The following TRHDE variants were observed in gnomAD, a reference collection of about 807,000 sequenced individuals.
TRHDE encodes the protein thyrotropin-releasing hormone-degrading ectoenzyme.
In TRHDE, 72 loss-of-function variants were observed where a neutral mutation model predicts 125.7. The observed-to-expected ratio is 0.57, with a 90% CI of 0.47 to 0.70. The LOEUF (loss-of-function observed/expected upper bound fraction) is 0.70. Ranked by LOEUF, TRHDE falls within the 30% of genes least tolerant of loss-of-function variation. The pLI is 0.00. For missense variants in TRHDE, 1,110 were observed against 1,327.1 expected, an observed-to-expected ratio of 0.84 and a Z score of 2.54; for synonymous variants, 509 against 509.1, an observed-to-expected ratio of 1.00 and a Z score of 0.00.
At chr12:72,604,162 T>C (rs1243803169) in intron 12 of TRHDE, among the ~76,000 whole-genome samples, 2 of 152,224 alleles carry the variant, frequency 1.3e-5, no homozygotes, top group Non-Finnish European at 2.9e-5. Context: ...GTATAAAGTG[T>C]AAGTGTGCTT....
chr12:72,452,154 A>G lies in TRHDE; in HGVS notation c.1316-17604A>G, dbSNP rs118084191. ...CAGGGTTTTATAGTTTTCATCATAC[A>G]GGTATTCTGCCTTATTGGTTATATT... On this transcript the variant is annotated intron_variant, in intron 3 of 18. Transcript: ENST00000261180. 3.9e-4 allele frequency among the ~76,000 whole-genome samples: 59 copies of G among 151,086 alleles called. No individual in the cohort carries two copies. The East Asian group carries it at 9.5e-3, about 24-fold the overall frequency.
At chr12:72,539,194 A>G (rs570783034) in intron 6 of TRHDE, among the ~76,000 whole-genome samples, 2 of 152,064 alleles carry the variant, frequency 1.3e-5, no homozygotes, top group East Asian at 3.9e-4. Flanking sequence ...TGAAAACAGT[A>G]GAATACTTTC....
intron 6 of TRHDE, among the ~76,000 whole-genome samples, chr12:72,540,854 G>A (rs1869110695): frequency 6.6e-6 from 1 of 151,570 alleles, no homozygotes; most frequent in Non-Finnish European, 1.5e-5. Flanking sequence ...AATCAGAAAA[G>A]GCATAAAACT....
intron 3 of TRHDE, among the ~76,000 whole-genome samples, chr12:72,466,761 C>T (rs561525269): frequency 6.6e-6 from 1 of 152,272 alleles, no homozygotes; most frequent in African/African-American, 2.4e-5. Context: ...TACCATTATT[C>T]ACATCTCAGA....
intron 2 of TRHDE, among the ~76,000 whole-genome samples, chr12:72,248,766 T>A (rs2139385607): frequency 6.6e-6 from 1 of 152,318 alleles, no homozygotes; most frequent in Admixed American, 6.5e-5. Flanking sequence ...GAGGTGGAAT[T>A]CTTGAAGAGC....
chr12:72,390,213 TTGTATTTTC>T (rs1469308829), intron 3 of TRHDE, among the ~76,000 whole-genome samples: 2 of 152,190 alleles, frequency 1.3e-5, no homozygotes, highest in Non-Finnish European at 2.9e-5. Flanking sequence ...GATACGTAAT[TTGTATTTTC>T]TGTATTTTCT....
At chr12:72,417,038 C>A (rs542459371) in intron 3 of TRHDE, among the ~76,000 whole-genome samples, 1 of 151,882 alleles carries the variant, frequency 6.6e-6, no homozygotes, top group African/African-American at 2.4e-5. Context: ...TTTTTAATTT[C>A]TTTCATCAAT....
rs1272458835 is a variant in TRHDE, at chr12:72,575,417, A to G, written c.2265+29A>G. On this transcript the variant is annotated intron_variant, in intron 11 of 18. Transcript: ENST00000261180. ...CACTCCAGATTTGCTTATCAAAGAT[A>G]ATTTTTGGTATGTGAACACCTACCA... 8 of 1,613,282 alleles carry G rather than the reference A, an allele frequency of 5.0e-6. No homozygotes were observed. The Admixed American group carries it at 1.3e-4, about 27-fold the overall frequency.
chr12:72,636,921 G>T (rs992849702), intron 15 of TRHDE, among the ~76,000 whole-genome samples: 136 of 152,112 alleles, frequency 8.9e-4, no homozygotes, highest in Middle Eastern at 6.8e-3. Context: ...TTTTATTGAG[G>T]ATTTTTGCAT....
chr12:72,136,052 T>C (rs1303255193), intron 2 of TRHDE, among the ~76,000 whole-genome samples: 3 of 152,190 alleles, frequency 2.0e-5, no homozygotes, highest in African/African-American at 7.2e-5. Context: ...ACCATGAATA[T>C]GTAGTGAAAG....
At chr12:72,149,385 G>A (rs1274773768) in intron 2 of TRHDE, among the ~76,000 whole-genome samples, 1 of 152,104 alleles carries the variant, frequency 6.6e-6, no homozygotes, top group Non-Finnish European at 1.5e-5. Flanking sequence ...ATACGAATTA[G>A]GAATAAGCCA....
At position 72,272,872 on chromosome 12, in the gene TRHDE, C is replaced by T; in HGVS notation, c.229C>T (p.Arg77Cys). 1 of 1,579,140 alleles carries T rather than the reference C, an allele frequency of 6.3e-7. No individual in the cohort carries two copies. Among genetic ancestry groups the T allele is most frequent in the Non-Finnish European group, 8.5e-7 (1 of 1,170,586 alleles). The change falls in exon 1 of 19, where the codon CGC (arginine) becomes TGC (cysteine). Residue 77 changes from arginine (R) to cysteine (C), a missense_variant. Arg to Cys is a radical substitution (Grantham distance 180). This residue lies in a region of TRHDE where 248 missense variants were observed against 240.8 expected (regional missense o/e 1.03). Coordinates refer to ENST00000261180, the MANE Select transcript of TRHDE (RefSeq NM_013381.3). This position sits in a 1 kb window ranked among gnomAD's most constrained non-coding sequence, Gnocchi z 6.7. ...GGGAGTGCGACCCCGCACCACGGAGCGCCACATCGCCGTACACAAGCGGCT... is the reference window on the plus strand; with the variant it reads ...GGGAGTGCGACCCCGCACCACGGAGTGCCACATCGCCGTACACAAGCGGCT... ...SVGVRPRTTE[R>C]HIAVHKRLVL...
chr12:72,649,091 T>C (rs1430689912), intron 15 of TRHDE, among the ~76,000 whole-genome samples: 4 of 152,062 alleles, frequency 2.6e-5, no homozygotes, highest in Admixed American at 6.6e-5. Context: ...AAACCTATTT[T>C]GAGAAAGGAG....
chr12:72,247,483 C>G (rs1295883519), intron 2 of TRHDE, among the ~76,000 whole-genome samples: 1 of 151,910 alleles, frequency 6.6e-6, no homozygotes, highest in Non-Finnish European at 1.5e-5. Flanking sequence ...CTCCATCTGT[C>G]TGAATATGAT....
At chr12:72,382,760 CCTT>C (rs1872242462) in intron 3 of TRHDE, among the ~76,000 whole-genome samples, 2 of 152,122 alleles carry the variant, frequency 1.3e-5, no homozygotes, top group Admixed American at 6.6e-5. Flanking sequence ...AGTACTGGAT[CCTT>C]CTTCTCTTAA....
chr12:72,394,583 A>G (rs540176913), intron 3 of TRHDE, among the ~76,000 whole-genome samples: 5 of 152,114 alleles, frequency 3.3e-5, no homozygotes, highest in African/African-American at 1.2e-4. Context: ...CCCTATGCAA[A>G]TCCCCCTATG....
chr12:72,623,887 ACT>A (rs1257659700), intron 15 of TRHDE, among the ~76,000 whole-genome samples: 4 of 151,994 alleles, frequency 2.6e-5, no homozygotes, highest in South Asian at 2.1e-4. Flanking sequence ...GGTTTTGGTA[ACT>A]CTGCCACTTA....
intron 3 of TRHDE, among the ~76,000 whole-genome samples, chr12:72,410,384 C>T (rs1052512184): frequency 1.3e-5 from 2 of 152,112 alleles, no homozygotes; most frequent in South Asian, 4.2e-4. Flanking sequence ...AGGAACATTT[C>T]CCAATTTATT....
chr12:72,277,520 G>A (rs1879530640), intron 1 of TRHDE, among the ~76,000 whole-genome samples: 1 of 152,090 alleles, frequency 6.6e-6, no homozygotes. Context: ...AAATCTTTGA[G>A]AACCATTTGT....
Sources: allele counts gnomAD v4.1 joint callset (sites outside exome capture counted in the v4.1 genomes callset), GRCh38; gene constraint gnomAD v4.1.1; regional missense constraint gnomAD v4.1.1; non-coding constraint Gnocchi (gnomAD v3.1); transcripts MANE v1.5; gene names NCBI Gene and HGNC (gene_info 2026-07-23, HGNC 2026-07-21).